Variants in NEB observed in about 807,000 individuals in gnomAD.
NEB encodes the protein nebulin, also known as nemaline myopathy type 2.
NEB carries 512 observed loss-of-function variants against 952.2 expected under a neutral mutation model. The observed-to-expected ratio is 0.54, with a 90% CI of 0.50 to 0.58. NEB has a LOEUF of 0.58. Among genes scored for constraint, NEB ranks in the 20% least tolerant of loss-of-function variants. NEB has a pLI of 0.00. For synonymous variants in NEB, 2,900 were observed against 3,149.8 expected, an observed-to-expected ratio of 0.92 and a Z score of 2.66; for missense variants, 8,428 against 9,231.1, an observed-to-expected ratio of 0.91 and a Z score of 3.56.
intron 105 of NEB, 26 bp from the exon 106 acceptor site, chr2:151,576,380 C>G (rs1447234468): frequency 6.4e-7 from 1 of 1,557,676 alleles, no homozygotes; most frequent in East Asian, 2.3e-5. Context: ...CAGGTAGAAG[C>G]AGGGTTTGTG....
Position 151,553,862 on chromosome 2 carries a change from T to C in NEB, c.19592A>G (p.Asp6531Gly), listed in dbSNP as rs1433726220. Reference protein sequence around the residue: ...WICHPDLQVNDHVRKVTDQIS... With the variant: ...WICHPDLQVNGHVRKVTDQIS... ...CTGATCTGTGACTTTCCTGACGTGATCATTGACTTGCAAGTCGGGGTGGCA... is the reference window on the plus strand; with the variant it reads ...CTGATCTGTGACTTTCCTGACGTGACCATTGACTTGCAAGTCGGGGTGGCA... Residue 6531 changes from aspartate (D) to glycine (G), a missense_variant, in exon 126 of 182, where the codon GAT becomes GGT. Physicochemically the swap from Asp to Gly is moderately conservative, Grantham distance 94. This residue lies in a region of NEB where 3,374 missense variants were observed against 3,651.5 expected (regional missense o/e 0.92). Coordinates refer to ENST00000397345, the MANE Select transcript of NEB (RefSeq NM_001164508.2). 6.2e-7 allele frequency: 1 copy of C among 1,613,502 alleles called. No individual in the cohort carries two copies.
rs1256048108 is a variant in NEB at position 151,610,040 on chromosome 2, C to T, written c.12099G>A (p.Met4033Ile). 1.2e-6 allele frequency: 2 copies of T among 1,613,878 alleles called. No homozygotes were observed. Among genetic ancestry groups the T allele is most frequent in the East Asian group, 4.5e-5 (2 of 44,848 alleles). Residue 4033 changes from methionine (M) to isoleucine (I), a missense_variant, in exon 81 of 182, where the codon ATG becomes ATA. Coordinates refer to ENST00000397345, the MANE Select transcript of NEB (RefSeq NM_001164508.2). The stretch of plus-strand genomic sequence containing the variant: ...GAATTTTTCCTGCATGTATGGCACA[C>T]ATAATCTTGGGATCATCTTCAATGC... Reference protein sequence around the residue: ...AQSIEDDPKIMCAIHAGKIQS... With the variant: ...AQSIEDDPKIICAIHAGKIQS...
intron 75 of NEB, 63 bp downstream of exon 75, chr2:151,617,301 G>A: frequency 8.8e-7 from 1 of 1,140,608 alleles, no homozygotes; most frequent in East Asian, 2.6e-5. Context: ...CTTTTCCTAA[G>A]GAAACAGCTA....
chr2:151,724,298 G>A lies in NEB; in HGVS notation c.574C>T (p.Leu192Phe), dbSNP rs2099784075. ...GCGGTGTTCTTAACGGCCTGGACAA[G>A]TTCAGGGGCATCAGGAGGAAGCAGG... ...KYLLPPDAPE[L>F]VQAVKNTAMF... The change falls in exon 8 of 182, where the codon CTT becomes TTT. Residue 192 changes from leucine (L) to phenylalanine (F), a missense_variant. Around this residue, in one of 11 missense-constraint regions of NEB, gnomAD observed 2,851 missense variants for 2,791.5 expected, o/e 1.02. Transcript: ENST00000397345. The A allele has an allele frequency of 6.2e-7, 1 of 1,613,188 alleles. No homozygotes were observed. Among genetic ancestry groups the A allele is most frequent in the African/African-American group, 1.3e-5 (1 of 74,902 alleles).
At position 151,553,846 on chromosome 2, in the gene NEB, G is replaced by T; in HGVS notation, c.19608C>A (p.Val6536=). ...DLQVNDHVRK[V]TDQISDIVYK... ...GGCTTACATCGCTGATCTGATCTGT[G>T]ACTTTCCTGACGTGATCATTGACTT... The change falls in exon 126 of 182, where the codon GTC becomes GTA. Residue 6536 remains valine (V), a synonymous_variant. Transcript: ENST00000397345. 1 of 1,612,782 alleles carries T rather than the reference G, an allele frequency of 6.2e-7. No homozygotes were observed. Among genetic ancestry groups the T allele is most frequent in the Non-Finnish European group, 8.5e-7 (1 of 1,179,164 alleles).
In NEB at chr2:151,563,817, A is replaced by T; in HGVS notation, c.18579+6T>A. ...CAAACTTAGGAGAGGAAAAGGTCATACTGACCTCACTGTTCACCAGATCAG... is the reference window on the plus strand; with the variant it reads ...CAAACTTAGGAGAGGAAAAGGTCATTCTGACCTCACTGTTCACCAGATCAG... On this transcript the variant is annotated splice_donor_region_variant and intron_variant, in intron 118 of 181. Transcript: ENST00000397345. The T allele has an allele frequency of 1.2e-6, 2 of 1,611,524 alleles. No homozygotes were observed. The highest frequency in any genetic ancestry group is 1.7e-6 in the Non-Finnish European group (2 of 1,177,808).
intron 140 of NEB, 64 bp from the exon 141 acceptor site, chr2:151,537,300 C>A (rs2093347177): frequency 2.2e-6 from 2 of 921,910 alleles, no homozygotes; most frequent in East Asian, 5.0e-5. Context: ...AAGTTAGTAT[C>A]TATACAAGTG....
At chr2:151,719,896 A>G (rs1338507596) in intron 9 of NEB, among the ~76,000 whole-genome samples, 1 of 151,642 alleles carries the variant, frequency 6.6e-6, no homozygotes, top group Non-Finnish European at 1.5e-5. Flanking sequence ...CAAAAAAAAA[A>G]AAAAAAAAAT....
intron 135 of NEB, among the ~76,000 whole-genome samples, chr2:151,545,188 A>C (rs1559752318): frequency 6.6e-6 from 1 of 152,248 alleles, no homozygotes; most frequent in African/African-American, 2.4e-5. Context: ...GACTTCTCCA[A>C]TGGCACTGCC....
At chr2:151,612,071 G>T in intron 78 of NEB, 115 bp downstream of exon 78, 1 of 1,085,918 alleles carries the variant, frequency 9.2e-7, no homozygotes, top group Non-Finnish European at 1.3e-6. Flanking sequence ...AGGCCTGCAT[G>T]AGAATCAGGC....
intron 173 of NEB, 45 bp downstream of exon 173, chr2:151,496,231 G>A: frequency 6.8e-7 from 1 of 1,477,594 alleles, no homozygotes; most frequent in East Asian, 2.4e-5. Flanking sequence ...CATAAAAGTA[G>A]TTTTTAAAAT....
rs2149359064 is a variant in NEB, at chr2:151,697,359, T to C, written c.1356A>G (p.Gln452=). ...TTGTCTTAGAACTTACATCACTGTT[T>C]TGAGCTGTGACTTTCATGCAGTGTG... The part of the protein sequence containing the change: ...YHSHCMKVTA[Q]NSDKNYKAEY... The change falls in exon 15 of 182, where the codon CAA becomes CAG. Residue 452 remains glutamine, a synonymous_variant. Coordinates refer to ENST00000397345, the MANE Select transcript of NEB (RefSeq NM_001164508.2). The C allele has an allele frequency of 1.9e-6, 3 of 1,613,772 alleles. No homozygotes were observed. The highest frequency in any genetic ancestry group is 1.7e-6 in the Non-Finnish European group (2 of 1,179,666).
rs1231908393 is a variant in NEB at position 151,553,933 on chromosome 2, C to T, written c.19521G>A (p.Lys6507=). ...VEMVTAKDSQ[K]KVSEIDYRLR... The stretch of plus-strand genomic sequence containing the variant: ...GGCGGTAATCAATCTCACTGACTTT[C>T]TTCTGGGAATCCTTGGCAGTAACCA... The change falls in exon 126 of 182, where the codon AAG becomes AAA. Residue 6507 remains lysine, a synonymous_variant. Coordinates refer to ENST00000397345, the MANE Select transcript of NEB (RefSeq NM_001164508.2). 6.2e-7 allele frequency: 1 copy of T among 1,613,802 alleles called. No homozygotes were observed. Among genetic ancestry groups the T allele is most frequent in the South Asian group, 1.1e-5 (1 of 91,086 alleles).
At chr2:151,667,100 T>C (rs1559031292) in intron 40 of NEB, among the ~76,000 whole-genome samples, 1 of 151,722 alleles carries the variant, frequency 6.6e-6, no homozygotes, top group Admixed American at 6.6e-5. Flanking sequence ...ATATAATCCA[T>C]GGAAATAGAA....
chr2:151,721,380 G>A (rs1270620258), intron 9 of NEB, among the ~76,000 whole-genome samples: 1 of 152,084 alleles, frequency 6.6e-6, no homozygotes, highest in Non-Finnish European at 1.5e-5. Flanking sequence ...CCCTCCAAAT[G>A]AGGCACTCCC....
At chr2:151,508,383 GT>G (rs1288401970) in intron 161 of NEB, among the ~76,000 whole-genome samples, 1 of 152,204 alleles carries the variant, frequency 6.6e-6, no homozygotes, top group East Asian at 1.9e-4. Context: ...TTGCTAGCTG[GT>G]CCACAGGAGG....
intron 107 of NEB, among the ~76,000 whole-genome samples, 175 bp from the exon 108 acceptor site, chr2:151,570,776 G>C (rs2153767557): frequency 6.6e-6 from 1 of 152,052 alleles, no homozygotes; most frequent in East Asian, 1.9e-4. Context: ...AACATGTAAT[G>C]GTGTCTGGAG....
Position 151,655,917 on chromosome 2 carries a change from T to G in NEB, c.6602A>C (p.Asp2201Ala), listed in dbSNP as rs1208425512. 6.2e-7 allele frequency: 1 copy of G among 1,613,854 alleles called. No individual in the cohort carries two copies. The highest frequency in any genetic ancestry group is 8.5e-7 in the Non-Finnish European group (1 of 1,179,808). The change falls in exon 50 of 182, where the codon GAT (aspartate) becomes GCT (alanine). Residue 2201 changes from aspartate to alanine, a missense_variant. Asp to Ala is a moderately radical substitution (Grantham distance 126, BLOSUM62 -2). Around this residue, in one of 11 missense-constraint regions of NEB, gnomAD observed 2,851 missense variants for 2,791.5 expected, o/e 1.02. Transcript: ENST00000397345. ...KAKKATEYASDQKYRQHPSNF... is the reference protein window; with the variant it reads ...KAKKATEYASAQKYRQHPSNF... ...GCTCGGGTGCTGGCGGTATTTCTGA[T>G]CACTGGCATATTCAGTTGCTTTCTT...
At chr2:151,688,219 T>C (rs2099518055) in intron 25 of NEB, 73 bp downstream of exon 25, 1 of 1,251,588 alleles carries the variant, frequency 8.0e-7, no homozygotes, top group African/African-American at 1.5e-5. Context: ...TTCCTTGTCT[T>C]GTCTTTTAAA....
Sources: gnomAD v4.1 joint callset for allele counts (sites outside exome capture counted in the v4.1 genomes callset) on GRCh38, gnomAD v4.1.1 for gene constraint, gnomAD v4.1.1 regional missense constraint, MANE v1.5 for transcripts, NCBI Gene and HGNC (gene_info 2026-07-23, HGNC 2026-07-21) for gene names.